The following KDM1B variants were observed in gnomAD, a reference collection of about 807,000 sequenced individuals.
KDM1B encodes the protein lysine demethylase 1B, also known as lysine-specific histone demethylase 2.
KDM1B carries 63 observed loss-of-function variants against 107.4 expected under a neutral mutation model. That is an observed-to-expected ratio of 0.59 (90% CI 0.48 to 0.72). The LOEUF (loss-of-function observed/expected upper bound fraction) is 0.72. KDM1B is among the 30% of genes least tolerant of loss of function. The pLI, the probability that KDM1B is intolerant of heterozygous loss-of-function variation, is 0.00. For missense variants in KDM1B, 749 were observed against 1,020.8 expected (o/e 0.73, Z 3.63); for synonymous variants, 363 against 363.9 (o/e 1.00, Z 0.03).
At position 18,187,891 on chromosome 6, in the gene KDM1B, CCTGA is replaced by C; in HGVS notation, c.677_680del (p.Asp226ValfsTer4). 2.6e-6 allele frequency: 4 copies of C among 1,550,286 alleles called. No homozygotes were observed. The highest frequency in any genetic ancestry group is 3.5e-6 in the Non-Finnish European group (4 of 1,146,814). On this transcript the variant is annotated frameshift_variant, in exon 9 of 22. Transcript: ENST00000650836. LOFTEE classifies it high-confidence loss of function. ...AGCGCCCCTGCTGTCTGCCTACTAC[CCTGA>C]CTGTGTTGGCATGAGCCCCTCCTGC... is the stretch of plus-strand genomic sequence containing the variant.
chr6:18,156,974 T>C (rs1784651362), intron 2 of KDM1B, among the ~76,000 whole-genome samples: 3 of 152,302 alleles, frequency 2.0e-5, no homozygotes, highest in East Asian at 1.9e-4. Flanking sequence ...GGGATTATTA[T>C]AATGAAATCT....
chr6:18,221,655 A>C (rs1267730936), intron 21 of KDM1B, among the ~76,000 whole-genome samples: 2 of 152,196 alleles, frequency 1.3e-5, no homozygotes, highest in Non-Finnish European at 2.9e-5. Context: ...TCTTAACTCT[A>C]GTACCTATCA....
intron 6 of KDM1B, among the ~76,000 whole-genome samples, chr6:18,167,337 C>CA (rs1471600961): frequency 6.6e-6 from 1 of 151,492 alleles, no homozygotes; most frequent in Admixed American, 6.6e-5. Flanking sequence ...AGCCTGGTGA[C>CA]AGAGTGGGAC....
At chr6:18,176,267 G>A (rs1015478152) in intron 7 of KDM1B, among the ~76,000 whole-genome samples, 1 of 152,104 alleles carries the variant, frequency 6.6e-6, no homozygotes, top group African/African-American at 2.4e-5. Flanking sequence ...GTCGCTGTTG[G>A]TGTATAGAAG....
intron 17 of KDM1B, 54 bp downstream of exon 17, chr6:18,208,260 G>A: frequency 1.5e-6 from 2 of 1,293,518 alleles, no homozygotes; most frequent in South Asian, 2.5e-5. Flanking sequence ...CCAGGGGCTT[G>A]GAGGGAAGGA....
At chr6:18,158,854 T>C (rs1205844978) in intron 2 of KDM1B, among the ~76,000 whole-genome samples, 1 of 152,240 alleles carries the variant, frequency 6.6e-6, no homozygotes, top group Admixed American at 6.5e-5. Context: ...TGGGAAATTT[T>C]TTCCAGTAGA....
chr6:18,181,163 C>A (rs986552584), intron 7 of KDM1B, among the ~76,000 whole-genome samples: 5 of 151,990 alleles, frequency 3.3e-5, no homozygotes, highest in African/African-American at 1.2e-4. Flanking sequence ...ACAAAGATAG[C>A]AGAAAAAAAT....
At chr6:18,180,925 TC>T (rs1028620939) in intron 7 of KDM1B, among the ~76,000 whole-genome samples, 1 of 152,248 alleles carries the variant, frequency 6.6e-6, no homozygotes, top group Non-Finnish European at 1.5e-5. Flanking sequence ...ATTGGAGTGA[TC>T]CGTAATCTCA....
At chr6:18,185,222 C>T (rs9477658) in intron 7 of KDM1B, among the ~76,000 whole-genome samples, 13,638 of 151,848 alleles carry the variant, frequency 0.09, 1,864 homozygotes, top group African/African-American at 0.3. Flanking sequence ...ATTTTGTCAC[C>T]GCCCTTCGTG....
At position 18,213,916 on chromosome 6, in the gene KDM1B, G is replaced by T; in HGVS notation, c.2109+135G>T. The T allele has an allele frequency of 1.1e-6, 1 of 945,822 alleles. No individual in the cohort carries two copies. Among genetic ancestry groups the T allele is most frequent in the Non-Finnish European group, 1.6e-6 (1 of 623,698 alleles). The allele number at this position is 945,822 out of a possible 1,614,324, so 58.6% of individuals were successfully genotyped here. ...TGGGTCTATGTTTATATTCTGGGAG[G>T]ACACTTGGACTGGACATTTTCCTAT... On this transcript the variant is annotated intron_variant, in intron 19 of 21. Coordinates refer to ENST00000650836, the MANE Select transcript of KDM1B (RefSeq NM_001364614.2). This position sits in a 1 kb window ranked among gnomAD's most constrained non-coding sequence, Gnocchi z 5.9.
In KDM1B at chr6:18,203,082, A is replaced by G. The variant is rs1788150245; in HGVS notation, c.1531+1425A>G. ...ATTACATGTCTTTCAGAGTCACCAT[A>G]TAAAAATGTTTAATGATAATGCTTT... On this transcript the variant is annotated intron_variant, in intron 14 of 21. Transcript: ENST00000650836. This position sits in a 1 kb window ranked among gnomAD's most constrained non-coding sequence, Gnocchi z 5.5. Among the ~76,000 whole-genome samples, 1 of 152,164 alleles carries G rather than the reference A, an allele frequency of 6.6e-6. No homozygotes were observed. The highest frequency in any genetic ancestry group is 6.5e-5 in the Admixed American group (1 of 15,276).
At chr6:18,221,442 TCA>T (rs748120670) in intron 21 of KDM1B, among the ~76,000 whole-genome samples, 41 of 151,626 alleles carry the variant, frequency 2.7e-4, no homozygotes, top group Non-Finnish European at 5.3e-4. Context: ...CCAACAGCCC[TCA>T]CTCACATTGT....
Position 18,200,359 on chromosome 6 carries a change from GTCCT to G in KDM1B, c.1222-77_1222-74del. 1 of 1,330,078 alleles carries G rather than the reference GTCCT, an allele frequency of 7.5e-7. No individual in the cohort carries two copies. The highest frequency in any genetic ancestry group is 1.0e-6 in the Non-Finnish European group (1 of 964,380). The allele number at this position is 1,330,078 out of a possible 1,614,324, so 82.4% of individuals were successfully genotyped here. The stretch of plus-strand genomic sequence containing the variant: ...CCAAATATAGAGGCTATTTAACAGT[GTCCT>G]TCTACATTTTTATAATACTGTGTCT... On this transcript the variant is annotated intron_variant, in intron 12 of 21. Transcript: ENST00000650836. The surrounding 1 kb of genome is among the most constrained non-coding windows in gnomAD (Gnocchi z 4.3).
At position 18,162,987 on chromosome 6, in the gene KDM1B, T is replaced by C. The variant is rs75526110; in HGVS notation, c.305+63T>C. The C allele has an allele frequency of 1.7e-3, 1,680 of 964,586 alleles. 16 individuals are homozygous for C. The African/African-American group carries it at 0.023, about 13-fold the overall frequency. 59.8% of individuals were successfully genotyped at this position (964,586 alleles called of 1,614,324 possible). On this transcript the variant is annotated intron_variant, in intron 5 of 21. Transcript: ENST00000650836. This position sits in a 1 kb window ranked among gnomAD's most constrained non-coding sequence, Gnocchi z 4.1. ...GGGACCGTGGCAGGGGCAGTGCGTG[T>C]GGTCAGCTGATTAAAGCTTAGTCTC... is the stretch of plus-strand genomic sequence containing the variant.
At position 18,196,755 on chromosome 6, in the gene KDM1B, T is replaced by C. The variant is rs186600218; in HGVS notation, c.970-302T>C. Among the ~76,000 whole-genome samples, 273 of 152,352 alleles carry C rather than the reference T, an allele frequency of 1.8e-3. 1 individual carries two copies. The highest frequency in any genetic ancestry group is 1.8e-3 in the Non-Finnish European group (124 of 68,040). ...ATAGCATTTACATTGTATTAGGTAT[T>C]ATAAGTAATCTAGAGGTAGCGTAAA... On this transcript the variant is annotated intron_variant, in intron 10 of 21. Transcript: ENST00000650836.
chr6:18,170,152 T>G (rs909017576), intron 6 of KDM1B, among the ~76,000 whole-genome samples: 1 of 152,084 alleles, frequency 6.6e-6, no homozygotes, highest in Non-Finnish European at 1.5e-5. Flanking sequence ...CTCAGGTGAT[T>G]CACCTGCCTC....
intron 20 of KDM1B, among the ~76,000 whole-genome samples, chr6:18,217,479 C>T (rs903548467): frequency 2.0e-5 from 3 of 151,040 alleles, no homozygotes; most frequent in Non-Finnish European, 4.4e-5. Context: ...CCTGGGTTCA[C>T]GCCATTCTCC....
At chr6:18,175,136 C>T (rs942404928) in intron 7 of KDM1B, among the ~76,000 whole-genome samples, 8 of 152,156 alleles carry the variant, frequency 5.3e-5, no homozygotes, top group East Asian at 3.8e-4. Context: ...TCACTGCATC[C>T]GCACCAACAT....
intron 12 of KDM1B, among the ~76,000 whole-genome samples, chr6:18,199,017 A>AG (rs1787857913): frequency 1.4e-5 from 2 of 146,710 alleles, no homozygotes; most frequent in South Asian, 2.2e-4. Context: ...AGAAAAAAAA[A>AG]AAAAAAAAAA....
Sources: allele counts gnomAD v4.1 joint callset (sites outside exome capture counted in the v4.1 genomes callset), GRCh38; gene constraint gnomAD v4.1.1; non-coding constraint Gnocchi (gnomAD v3.1); transcripts MANE v1.5; gene names NCBI Gene and HGNC (gene_info 2026-07-23, HGNC 2026-07-21).